DCC: variants seen among roughly 807,000 people sequenced by gnomAD.
The protein encoded by DCC is DCC netrin 1 receptor, also known as netrin receptor DCC.
DCC carries 58 observed loss-of-function variants against 172.5 expected under a neutral mutation model. That is an observed-to-expected ratio of 0.34 (90% CI 0.27 to 0.42). The LOEUF (loss-of-function observed/expected upper bound fraction) is 0.42. Among genes scored for constraint, DCC ranks in the 10% least tolerant of loss-of-function variants. The probability of loss-of-function intolerance (pLI) is 1.00; values close to 1 mark genes in which losing one functional copy is unlikely to be tolerated. For missense variants in DCC, 1,740 were observed against 1,791.0 expected, an observed-to-expected ratio of 0.97 and a Z score of 0.51; for synonymous variants, 709 against 644.5, an observed-to-expected ratio of 1.10 and a Z score of -1.52.
chr18:53,248,868 A>G (rs1390457880), intron 12 of DCC, among the ~76,000 whole-genome samples: 1 of 152,042 alleles, frequency 6.6e-6, no homozygotes, highest in East Asian at 1.9e-4. Flanking sequence ...TTTTAAATGC[A>G]AATATCTAAA....
chr18:53,125,997 T>C (rs2043550763), intron 7 of DCC, among the ~76,000 whole-genome samples: 2 of 152,044 alleles, frequency 1.3e-5, no homozygotes, highest in Admixed American at 1.3e-4. Context: ...AGAGGTTGCG[T>C]GAGGATATGT....
intron 3 of DCC, among the ~76,000 whole-genome samples, chr18:52,914,876 G>A (rs2040018631): frequency 1.3e-5 from 2 of 152,046 alleles, no homozygotes; most frequent in Admixed American, 1.3e-4. Flanking sequence ...TTATGCCTGG[G>A]AAGAAATCAA....
intron 1 of DCC, among the ~76,000 whole-genome samples, chr18:52,458,713 A>G (rs1045581705): frequency 2.0e-5 from 3 of 152,210 alleles, no homozygotes; most frequent in Non-Finnish European, 2.9e-5. Context: ...ATGCTGGCAT[A>G]AAAGTCTATA....
At chr18:53,515,990 G>A (rs75512048) in intron 27 of DCC, among the ~76,000 whole-genome samples, 70,623 of 146,030 alleles carry the variant, frequency 0.48, 18,245 homozygotes, top group East Asian at 0.74. Flanking sequence ...CCGCATCACC[G>A]AGTCAATCCT....
At chr18:52,381,735 G>A (rs1193699347) in intron 1 of DCC, among the ~76,000 whole-genome samples, 1 of 152,026 alleles carries the variant, frequency 6.6e-6, no homozygotes, top group Non-Finnish European at 1.5e-5. Context: ...GCTTTCACTG[G>A]GGCGGCTGTT....
Position 53,526,480 on chromosome 18 carries a change from C to G in DCC, c.4112-137C>G, listed in dbSNP as rs150220476. On this transcript the variant is annotated intron_variant, in intron 27 of 28. Transcript: ENST00000442544. ...AATAAAACGAGCCCACTCATTGTGT[C>G]AGAATTCATCTTTACACTACAGAAT... The G allele has an allele frequency of 3.2e-4, 299 of 934,860 alleles. 2 individuals are homozygous for G. In the East Asian group the frequency reaches 6.8e-3, roughly 21 times the overall value. The allele number at this position is 934,860 out of a possible 1,614,324, so 57.9% of individuals were successfully genotyped here. A position where few individuals can be genotyped will look rare whatever the true frequency, so the allele number is the denominator to read the frequency against.
chr18:52,843,952 T>C (rs916822714), intron 2 of DCC, among the ~76,000 whole-genome samples: 1 of 152,134 alleles, frequency 6.6e-6, no homozygotes, highest in Non-Finnish European at 1.5e-5. Flanking sequence ...CTTAGAAAAT[T>C]ATTAGCATGA....
At chr18:52,412,988 G>T (rs1450032260) in intron 1 of DCC, among the ~76,000 whole-genome samples, 1 of 151,916 alleles carries the variant, frequency 6.6e-6, no homozygotes, top group African/African-American at 2.4e-5. Flanking sequence ...CAATTCAATC[G>T]ATTAAGCTTA....
At chr18:52,471,891 T>C (rs1988956900) in intron 1 of DCC, among the ~76,000 whole-genome samples, 1 of 152,180 alleles carries the variant, frequency 6.6e-6, no homozygotes, top group South Asian at 2.1e-4. Context: ...TATTCTGTCT[T>C]ATGTGAAGGG....
intron 12 of DCC, among the ~76,000 whole-genome samples, chr18:53,245,406 T>C (rs923114982): frequency 6.6e-6 from 1 of 152,154 alleles, no homozygotes; most frequent in African/African-American, 2.4e-5. Flanking sequence ...TTTACTCATT[T>C]GTTATGTGTG....
intron 5 of DCC, among the ~76,000 whole-genome samples, chr18:52,985,481 T>C (rs975460995): frequency 6.6e-6 from 1 of 152,088 alleles, no homozygotes; most frequent in South Asian, 2.1e-4. Flanking sequence ...ATGTTTCATT[T>C]TGGAAGCTTT....
chr18:53,402,743 T>G, intron 18 of DCC, 43 bp from the exon 19 acceptor site: 2 of 1,342,288 alleles, frequency 1.5e-6, no homozygotes, highest in African/African-American at 1.4e-5. Flanking sequence ...TTTATTTTCT[T>G]TCACATCCAA....
chr18:52,984,884 AT>A (rs1215392783), intron 5 of DCC, among the ~76,000 whole-genome samples: 1 of 152,086 alleles, frequency 6.6e-6, no homozygotes, highest in Non-Finnish European at 1.5e-5. Flanking sequence ...TTTCTTTATT[AT>A]TTGACTATGA....
At chr18:52,376,928 C>G (rs900222060) in intron 1 of DCC, among the ~76,000 whole-genome samples, 3 of 152,124 alleles carry the variant, frequency 2.0e-5, no homozygotes, top group Non-Finnish European at 2.9e-5. Context: ...CCATCAAAAC[C>G]GTGCCTGGAG....
intron 23 of DCC, among the ~76,000 whole-genome samples, chr18:53,454,652 AT>A (rs1599168890): frequency 3.3e-5 from 5 of 152,334 alleles, no homozygotes; most frequent in Non-Finnish European, 7.4e-5. Context: ...TGGGCCTTCT[AT>A]TTGACTTGAC....
Position 53,533,383 on chromosome 18 carries a change from T to C in DCC, c.*2730T>C, listed in dbSNP as rs1019600707. ...CAACCAGCCGCTCTGCCACCAGAAC[T>C]CATTTCTCCCTGAAAAAGAAGAAAA... On this transcript the variant is annotated 3_prime_UTR_variant, in exon 29 of 29. Coordinates refer to ENST00000442544, the MANE Select transcript of DCC (RefSeq NM_005215.4). The C allele has an allele frequency of 2.0e-5, 3 of 152,130 alleles. No individual in the cohort carries two copies. Among genetic ancestry groups the C allele is most frequent in the Admixed American group, 1.3e-4 (2 of 15,268 alleles). The allele number at this position is 152,130 out of a possible 1,614,324, so 9.4% of individuals were successfully genotyped here.
intron 1 of DCC, among the ~76,000 whole-genome samples, chr18:52,728,855 T>G (rs931213568): frequency 3.3e-5 from 5 of 152,140 alleles, no homozygotes; most frequent in Non-Finnish European, 7.3e-5. Context: ...CAAACAAGGA[T>G]TCGACAGCTG....
At chr18:52,692,866 T>C (rs2035950665) in intron 1 of DCC, among the ~76,000 whole-genome samples, 1 of 152,042 alleles carries the variant, frequency 6.6e-6, no homozygotes, top group Non-Finnish European at 1.5e-5. Context: ...TATAAAACAA[T>C]ACAATTATAA....
chr18:52,567,339 C>T (rs1016206639), intron 1 of DCC, among the ~76,000 whole-genome samples: 2 of 151,964 alleles, frequency 1.3e-5, no homozygotes, highest in Admixed American at 1.3e-4. Context: ...TCATCTTTAG[C>T]CATTATTATA....
Sources: gnomAD v4.1 joint callset for allele counts (sites outside exome capture counted in the v4.1 genomes callset) on GRCh38, gnomAD v4.1.1 for gene constraint, MANE v1.5 for transcripts, NCBI Gene and HGNC (gene_info 2026-07-23, HGNC 2026-07-21) for gene names.